EBF1: variants seen among roughly 807,000 people sequenced by gnomAD.
EBF1 encodes transcription factor COE1.
In EBF1, 10 loss-of-function variants were observed where a neutral mutation model predicts 68.4. That is an observed-to-expected ratio of 0.15 (90% CI 0.09 to 0.25). The LOEUF (loss-of-function observed/expected upper bound fraction) is 0.25. Ranked by LOEUF, EBF1 falls within the 10% of genes least tolerant of loss-of-function variation. The pLI, the probability that EBF1 is intolerant of heterozygous loss-of-function variation, is 1.00. For missense variants in EBF1, 509 were observed against 794.4 expected (o/e 0.64, Z 4.32); for synonymous variants, 298 against 299.8 (o/e 0.99, Z 0.06).
intron 6 of EBF1, among the ~76,000 whole-genome samples, chr5:158,864,303 C>A (rs116505159): frequency 2.6e-5 from 4 of 151,422 alleles, no homozygotes; most frequent in Non-Finnish European, 5.9e-5. Context: ...TTAAACTAAC[C>A]GAGATCTGAC....
At chr5:158,869,496 C>T (rs1306358442) in intron 6 of EBF1, among the ~76,000 whole-genome samples, 1 of 151,934 alleles carries the variant, frequency 6.6e-6, no homozygotes, top group Admixed American at 6.6e-5. Context: ...TGAGACCCTC[C>T]TATTTCCTCT....
chr5:159,068,862 C>T (rs1334251146), intron 6 of EBF1, among the ~76,000 whole-genome samples: 2 of 151,924 alleles, frequency 1.3e-5, no homozygotes, highest in African/African-American at 4.8e-5. Context: ...AAGTGTGACC[C>T]GAAGTAATTC....
chr5:158,923,280 G>A (rs1268818181), intron 6 of EBF1, among the ~76,000 whole-genome samples: 1 of 152,140 alleles, frequency 6.6e-6, no homozygotes, highest in Non-Finnish European at 1.5e-5. Flanking sequence ...CCTTTTCAAA[G>A]TATATCCCCA....
At chr5:158,930,224 G>A (rs1181841646) in intron 6 of EBF1, among the ~76,000 whole-genome samples, 1 of 150,312 alleles carries the variant, frequency 6.7e-6, no homozygotes, top group Non-Finnish European at 1.5e-5. Context: ...AACAAAACTT[G>A]AGCAAAAAAG....
chr5:158,778,439 G>C (rs1159237736), intron 9 of EBF1, among the ~76,000 whole-genome samples: 1 of 152,062 alleles, frequency 6.6e-6, no homozygotes, highest in Non-Finnish European at 1.5e-5. Flanking sequence ...ACTCCTTTCA[G>C]ATGCAGTTAG....
Position 158,708,302 on chromosome 5 carries a change from T to G in EBF1, c.1550-129A>C, listed in dbSNP as rs150643236. On this transcript the variant is annotated intron_variant, in intron 14 of 15. Coordinates refer to ENST00000313708, the MANE Select transcript of EBF1 (RefSeq NM_024007.5). The stretch of plus-strand genomic sequence containing the variant: ...CAGACGATGCTTCCAGCACAAACCT[T>G]CCCTGAATTCGCAGGCTCTCATCCA... 7.8e-4 allele frequency: 710 copies of G among 910,810 alleles called. 5 individuals are homozygous for G. In the African/African-American group the frequency reaches 9.7e-3, roughly 12 times the overall value. 56.4% of individuals were successfully genotyped at this position (910,810 alleles called of 1,614,324 possible).
At chr5:158,701,817 C>T (rs1000209914) in intron 15 of EBF1, among the ~76,000 whole-genome samples, 2 of 152,144 alleles carry the variant, frequency 1.3e-5, no homozygotes, top group Non-Finnish European at 2.9e-5. Flanking sequence ...GTGGGTTTGG[C>T]CCACTCCTAC....
chr5:159,045,848 A>G (rs1385261932), intron 6 of EBF1, among the ~76,000 whole-genome samples: 2 of 152,236 alleles, frequency 1.3e-5, no homozygotes, highest in Admixed American at 6.5e-5. Context: ...TATTTAGATC[A>G]TTCCAATTCT....
intron 10 of EBF1, among the ~76,000 whole-genome samples, chr5:158,737,149 CACAGAAAGCTGTA>C (rs1345772116): frequency 6.6e-6 from 1 of 151,908 alleles, no homozygotes; most frequent in Non-Finnish European, 1.5e-5. Flanking sequence ...CTCCTGGAAC[CACAGAAAGCTGTA>C]ACTTTCTGCA....
chr5:158,739,181 C>CG (rs964255192), intron 10 of EBF1, among the ~76,000 whole-genome samples: 1 of 152,192 alleles, frequency 6.6e-6, no homozygotes, highest in Non-Finnish European at 1.5e-5. Context: ...ATACTACAAC[C>CG]GGTTGGCATT....
chr5:158,981,891 CAT>C (rs1376479355), intron 6 of EBF1, among the ~76,000 whole-genome samples: 1 of 152,108 alleles, frequency 6.6e-6, no homozygotes, highest in Non-Finnish European at 1.5e-5. Context: ...CCAGCGGACA[CAT>C]ATAGCAAAAC....
At chr5:158,749,503 T>C (rs911659285) in intron 10 of EBF1, among the ~76,000 whole-genome samples, 1 of 152,134 alleles carries the variant, frequency 6.6e-6, no homozygotes. Flanking sequence ...AACTTTGGTG[T>C]GGAAGGCACC....
intron 1 of EBF1, 101 bp from the exon 2 acceptor site, chr5:159,097,231 T>G: frequency 3.7e-6 from 5 of 1,351,926 alleles, no homozygotes; most frequent in Non-Finnish European, 5.0e-6. Context: ...CCACCTCCTC[T>G]TCCCCCAAAA....
At position 159,071,148 on chromosome 5, in the gene EBF1, C is replaced by T. The variant is rs921850664; in HGVS notation, c.554+2248G>A. 9.2e-5 allele frequency among the ~76,000 whole-genome samples: 14 copies of T among 152,166 alleles called. 1 individual carries two copies. Among genetic ancestry groups the T allele is most frequent in the South Asian group, 4.1e-4 (2 of 4,828 alleles). On this transcript the variant is annotated intron_variant, in intron 6 of 15. Coordinates refer to ENST00000313708, the MANE Select transcript of EBF1 (RefSeq NM_024007.5). ...CTGAAGGACAAATAAATTCTGAAAACTCAGGTGCAAATAAAAATAGCTAAA... is the reference window on the plus strand; with the variant it reads ...CTGAAGGACAAATAAATTCTGAAAATTCAGGTGCAAATAAAAATAGCTAAA...
chr5:158,917,246 G>T (rs780226648), intron 6 of EBF1, among the ~76,000 whole-genome samples: 1 of 152,200 alleles, frequency 6.6e-6, no homozygotes, highest in African/African-American at 2.4e-5. Context: ...AATATTGAAA[G>T]CTGTCTTTGA....
At chr5:159,001,634 T>C (rs1001758005) in intron 6 of EBF1, among the ~76,000 whole-genome samples, 1 of 152,222 alleles carries the variant, frequency 6.6e-6, no homozygotes, top group African/African-American at 2.4e-5. Context: ...CTTCATCTTG[T>C]CCTTTTTGGC....
intron 6 of EBF1, among the ~76,000 whole-genome samples, chr5:158,955,399 A>G (rs910480078): frequency 1.3e-5 from 2 of 152,134 alleles, no homozygotes; most frequent in Admixed American, 6.6e-5. Flanking sequence ...GAGCTAAAAA[A>G]CAGCAGACGC....
intron 6 of EBF1, among the ~76,000 whole-genome samples, chr5:158,929,240 C>T (rs1810343807): frequency 6.6e-6 from 1 of 152,152 alleles, no homozygotes; most frequent in Non-Finnish European, 1.5e-5. Flanking sequence ...GGCAAGCAAA[C>T]AGAGAGTAAT....
At chr5:158,708,540 C>T (rs1347233415) in intron 14 of EBF1, among the ~76,000 whole-genome samples, 2 of 152,184 alleles carry the variant, frequency 1.3e-5, no homozygotes, top group African/African-American at 4.8e-5. Flanking sequence ...CACAGAGCCA[C>T]CATCCTCAGA....
Sources: allele counts gnomAD v4.1 joint callset (sites outside exome capture counted in the v4.1 genomes callset), GRCh38; gene constraint gnomAD v4.1.1; transcripts MANE v1.5; gene names NCBI Gene and HGNC (gene_info 2026-07-23, HGNC 2026-07-21).